PPP1R9A: variants seen among roughly 807,000 people sequenced by gnomAD.
PPP1R9A encodes the protein protein phosphatase 1 regulatory subunit 9A, also known as neurabin-1.
In PPP1R9A, 59 loss-of-function variants were observed where a neutral mutation model predicts 141.9. That is an observed-to-expected ratio of 0.42 (90% CI 0.34 to 0.52). PPP1R9A has a LOEUF of 0.52. Among genes scored for constraint, PPP1R9A ranks in the 20% least tolerant of loss-of-function variants. The pLI is 0.10. For synonymous variants in PPP1R9A, 500 were observed against 569.7 expected, an observed-to-expected ratio of 0.88 and a Z score of 1.74; for missense variants, 1,444 against 1,611.9, an observed-to-expected ratio of 0.90 and a Z score of 1.78.
intron 2 of PPP1R9A, among the ~76,000 whole-genome samples, chr7:95,072,334 A>G (rs1013943751): frequency 6.9e-6 from 1 of 144,248 alleles, no homozygotes; most frequent in Non-Finnish European, 1.5e-5. Context: ...TATTATATAT[A>G]ATAATATAAG....
intron 2 of PPP1R9A, among the ~76,000 whole-genome samples, chr7:95,007,742 C>T (rs1045679274): frequency 2.6e-5 from 4 of 152,060 alleles, no homozygotes; most frequent in African/African-American, 9.7e-5. Flanking sequence ...TAAATACTAT[C>T]CTTAGTATTC....
rs373293895 is a variant in PPP1R9A at position 94,973,995 on chromosome 7, G to T, written c.1395+62487G>T. Among the ~76,000 whole-genome samples the T allele has an allele frequency of 3.3e-5, 5 of 152,254 alleles. No homozygotes were observed. In the East Asian group the frequency reaches 7.7e-4, roughly 23 times the overall value. The stretch of plus-strand genomic sequence containing the variant: ...GCCTCCCTAAGTGCTAGGATTGCAG[G>T]CATGAGCCACTATGCCTGACCTCAG... On this transcript the variant is annotated intron_variant, in intron 2 of 19. Transcript: ENST00000433360.
chr7:95,287,599 G>T (rs1446122368), intron 18 of PPP1R9A, among the ~76,000 whole-genome samples: 1 of 152,152 alleles, frequency 6.6e-6, no homozygotes, highest in African/African-American at 2.4e-5. Flanking sequence ...CAGAAATTTA[G>T]AATAAACTCC....
chr7:95,229,244 C>G (rs574103540), intron 8 of PPP1R9A, among the ~76,000 whole-genome samples: 2 of 151,938 alleles, frequency 1.3e-5, no homozygotes, highest in African/African-American at 4.8e-5. Flanking sequence ...AGGAAAATAC[C>G]AGGAAAGCCA....
At chr7:94,949,575 A>T (rs1018736527) in intron 2 of PPP1R9A, among the ~76,000 whole-genome samples, 4 of 152,088 alleles carry the variant, frequency 2.6e-5, no homozygotes, top group Non-Finnish European at 4.4e-5. Context: ...AGAGACTATG[A>T]AGCCTCTATT....
rs191295007 is a variant in PPP1R9A at position 94,987,989 on chromosome 7, A to G, written c.1395+76481A>G. Among the ~76,000 whole-genome samples the G allele has an allele frequency of 3.5e-3, 526 of 152,258 alleles. 3 individuals carry two copies. Among genetic ancestry groups the G allele is most frequent in the African/African-American group, 0.012 (493 of 41,574 alleles). ...GGTGATAAAACACATCCTACTGTGT[A>G]TAAGTTTTATTTATTTGATTAAAAA... On this transcript the variant is annotated intron_variant, in intron 2 of 19. Transcript: ENST00000433360.
chr7:95,260,671 T>C lies in PPP1R9A; in HGVS notation c.2666-7879T>C, dbSNP rs570631840. 2.6e-5 allele frequency among the ~76,000 whole-genome samples: 3 copies of C among 114,860 alleles called. No homozygotes were observed. In the South Asian group the frequency reaches 8.1e-4, roughly 31 times the overall value. The allele number at this position is 114,860 out of a possible 152,430, so 75.4% of individuals were successfully genotyped here. On this transcript the variant is annotated intron_variant, in intron 12 of 19. Transcript: ENST00000433360. ...TCCAGCCTGGGACAGAGCAAGACTC[T>C]GACTCAAAAAAAAAAAAAAAAAAGT...
chr7:95,014,182 C>T (rs1042934793), intron 2 of PPP1R9A, among the ~76,000 whole-genome samples: 1 of 151,982 alleles, frequency 6.6e-6, no homozygotes, highest in African/African-American at 2.4e-5. Flanking sequence ...AAATTAGACC[C>T]GTTGGCCCAG....
intron 2 of PPP1R9A, among the ~76,000 whole-genome samples, chr7:95,061,574 A>G (rs537230759): frequency 2.6e-4 from 40 of 152,080 alleles, no homozygotes; most frequent in African/African-American, 9.2e-4. Flanking sequence ...CATCTCTACA[A>G]AAAATACAGA....
intron 5 of PPP1R9A, among the ~76,000 whole-genome samples, chr7:95,169,790 A>C (rs1831834055): frequency 6.6e-6 from 1 of 151,930 alleles, no homozygotes; most frequent in Admixed American, 6.6e-5. Flanking sequence ...TAATTGTCCC[A>C]GAGGAATACT....
At chr7:95,030,612 G>C (rs180863192) in intron 2 of PPP1R9A, among the ~76,000 whole-genome samples, 1 of 151,938 alleles carries the variant, frequency 6.6e-6, no homozygotes, top group African/African-American at 2.4e-5. Flanking sequence ...CCAAGTGTTA[G>C]CTCTGAAGTT....
chr7:94,977,003 A>G (rs1799526090), intron 2 of PPP1R9A, among the ~76,000 whole-genome samples: 1 of 152,130 alleles, frequency 6.6e-6, no homozygotes. Flanking sequence ...CAGATTGGCT[A>G]TGGTATATGA....
chr7:95,287,045 A>G (rs1439280370), intron 18 of PPP1R9A: 9 of 1,501,100 alleles, frequency 6.0e-6, no homozygotes, highest in Non-Finnish European at 5.6e-6. Context: ...TATGTACTAT[A>G]TATGTTGTGT....
chr7:95,149,105 A>G (rs772748202), intron 4 of PPP1R9A, among the ~76,000 whole-genome samples: 11 of 152,056 alleles, frequency 7.2e-5, no homozygotes, highest in African/African-American at 1.4e-4. Flanking sequence ...TCAAAAGTCA[A>G]TGAATATAGT....
intron 2 of PPP1R9A, 33 bp downstream of exon 2, chr7:94,911,541 T>C (rs960161348): frequency 1.3e-6 from 2 of 1,538,376 alleles, no homozygotes; most frequent in Non-Finnish European, 1.8e-6. Flanking sequence ...GTTTTCTAAA[T>C]TTGTTTTTAG....
chr7:95,169,280 C>T (rs1259650551), intron 5 of PPP1R9A, among the ~76,000 whole-genome samples: 1 of 151,752 alleles, frequency 6.6e-6, no homozygotes, highest in Non-Finnish European at 1.5e-5. Flanking sequence ...TGAAATAAGC[C>T]AGACACAGAG....
At chr7:95,268,084 A>G (rs958806006) in intron 12 of PPP1R9A, among the ~76,000 whole-genome samples, 4 of 152,162 alleles carry the variant, frequency 2.6e-5, no homozygotes, top group African/African-American at 9.7e-5. Flanking sequence ...GAAGACTGCT[A>G]GTAAATTTTG....
chr7:95,180,295 A>G (rs1426284325), intron 5 of PPP1R9A, among the ~76,000 whole-genome samples: 2 of 152,134 alleles, frequency 1.3e-5, no homozygotes, highest in African/African-American at 4.8e-5. Flanking sequence ...TTTTTAACAA[A>G]TGGTGCTGGG....
chr7:95,000,509 A>C (rs1183090782), intron 2 of PPP1R9A, among the ~76,000 whole-genome samples: 1 of 152,092 alleles, frequency 6.6e-6, no homozygotes, highest in Non-Finnish European at 1.5e-5. Context: ...ATGTACTCTT[A>C]CTATAGCCTA....
Sources: allele counts gnomAD v4.1 joint callset (sites outside exome capture counted in the v4.1 genomes callset), GRCh38; gene constraint gnomAD v4.1.1; transcripts MANE v1.5; gene names NCBI Gene and HGNC (gene_info 2026-07-23, HGNC 2026-07-21).